Variants in SAMTOR observed in about 807,000 individuals in gnomAD.
SAMTOR encodes UPF0532 protein C7orf60.
the SAMTOR span, chr7:112,939,783 G>A: frequency 7.2e-6 from 11 of 1,538,118 alleles, no homozygotes; most frequent in Middle Eastern, 2.3e-4. Context: ...CCGCCCCTCA[G>A]GCCCCCGCAG....
At chr7:112,821,661 G>C in the SAMTOR span, 2 of 1,329,058 alleles carry the variant, frequency 1.5e-6, no homozygotes, top group East Asian at 4.7e-5. Context: ...CAGGTTTTCA[G>C]TACTGAGTTC....
chr7:112,822,931 A>G, the SAMTOR span, among the ~76,000 whole-genome samples: 1 of 152,178 alleles, frequency 6.6e-6, no homozygotes, highest in African/African-American at 2.4e-5. Flanking sequence ...GTTAATCCCT[A>G]GTTTGGAACA....
the SAMTOR span, among the ~76,000 whole-genome samples, chr7:112,883,183 C>T: frequency 6.6e-6 from 1 of 152,136 alleles, no homozygotes; most frequent in African/African-American, 2.4e-5. Context: ...TGTACTCTTT[C>T]CTTTGGCTGA....
At chr7:112,840,299 T>C in the SAMTOR span, among the ~76,000 whole-genome samples, 2 of 151,952 alleles carry the variant, frequency 1.3e-5, no homozygotes, top group Admixed American at 1.3e-4. Flanking sequence ...ACCCAGACCA[T>C]ACAAAACCTT....
At chr7:112,922,025 G>C in the SAMTOR span, among the ~76,000 whole-genome samples, 2 of 151,924 alleles carry the variant, frequency 1.3e-5, no homozygotes, top group African/African-American at 2.4e-5. Context: ...GGACTGTACT[G>C]CTGCCATCTC....
At chr7:112,901,338 T>C in the SAMTOR span, among the ~76,000 whole-genome samples, 1 of 152,184 alleles carries the variant, frequency 6.6e-6, no homozygotes, top group Non-Finnish European at 1.5e-5. Flanking sequence ...GAACCCTTAT[T>C]GTGAAATGTG....
At chr7:112,882,862 T>G in the SAMTOR span, among the ~76,000 whole-genome samples, 2 of 150,506 alleles carry the variant, frequency 1.3e-5, no homozygotes, top group Non-Finnish European at 3.0e-5. Context: ...TATTAAAAAG[T>G]CCAAGAAAAT....
At chr7:112,939,762 C>A in the SAMTOR span, 2 of 1,573,756 alleles carry the variant, frequency 1.3e-6, no homozygotes, top group Non-Finnish European at 8.6e-7. Context: ...TCGCAGCCGC[C>A]GCCGCCGCCG....
At chr7:112,853,224 A>AGAATTTACAGCC in the SAMTOR span, among the ~76,000 whole-genome samples, 149,503 of 152,178 alleles carry the variant, frequency 0.98, 73,485 homozygotes, top group East Asian at 1. Flanking sequence ...TTATAACTTA[A>AGAATTTACAGCC]CTTATAACTT....
At chr7:112,884,626 G>C in the SAMTOR span, among the ~76,000 whole-genome samples, 1 of 152,230 alleles carries the variant, frequency 6.6e-6, no homozygotes, top group Non-Finnish European at 1.5e-5. Context: ...TCATGCTGCT[G>C]CAAGAGGTAG....
At chr7:112,918,574 C>T in the SAMTOR span, among the ~76,000 whole-genome samples, 5 of 152,098 alleles carry the variant, frequency 3.3e-5, no homozygotes, top group Admixed American at 6.5e-5. Context: ...ATCATAATGA[C>T]GGGATCAAAT....
At chr7:112,914,620 G>A in the SAMTOR span, among the ~76,000 whole-genome samples, 1 of 151,978 alleles carries the variant, frequency 6.6e-6, no homozygotes, top group Non-Finnish European at 1.5e-5. Flanking sequence ...AAAATTTTAA[G>A]ATGTTTTAAG....
the SAMTOR span, among the ~76,000 whole-genome samples, chr7:112,914,276 G>GTT: frequency 0.029 from 3,767 of 130,930 alleles, 108 homozygotes; most frequent in African/African-American, 0.052. Context: ...TTAGCCTCTA[G>GTT]TTTTTTTTTT....
chr7:112,893,541 A>C, the SAMTOR span, among the ~76,000 whole-genome samples: 1 of 152,212 alleles, frequency 6.6e-6, no homozygotes, highest in African/African-American at 2.4e-5. Context: ...GGTTGGTTTC[A>C]TCTTGTATCC....
chr7:112,933,956 T>C, the SAMTOR span, among the ~76,000 whole-genome samples: 1 of 152,182 alleles, frequency 6.6e-6, no homozygotes, highest in Non-Finnish European at 1.5e-5. Context: ...TACTGATTTG[T>C]TTGATTTTGA....
chr7:112,922,513 G>A, the SAMTOR span, among the ~76,000 whole-genome samples: 1 of 151,696 alleles, frequency 6.6e-6, no homozygotes, highest in East Asian at 1.9e-4. Context: ...GAAGTGAGGA[G>A]CGCCTCTTCC....
chr7:112,878,659 G>A, the SAMTOR span, among the ~76,000 whole-genome samples: 4 of 152,182 alleles, frequency 2.6e-5, no homozygotes, highest in Non-Finnish European at 5.9e-5. Flanking sequence ...CACTAGGCAT[G>A]AGCTGGAATT....
At chr7:112,936,098 A>G in the SAMTOR span, among the ~76,000 whole-genome samples, 1 of 152,248 alleles carries the variant, frequency 6.6e-6, no homozygotes, top group Non-Finnish European at 1.5e-5. Flanking sequence ...AAAATTATGT[A>G]TGCAAAGACA....
At chr7:112,911,843 A>C in the SAMTOR span, among the ~76,000 whole-genome samples, 1 of 151,900 alleles carries the variant, frequency 6.6e-6, no homozygotes, top group African/African-American at 2.4e-5. Flanking sequence ...AGATATATAG[A>C]ATACTTGAAC....
Sources: gnomAD v4.1 joint callset for allele counts (sites outside exome capture counted in the v4.1 genomes callset) on GRCh38, gnomAD v4.1.1 for gene constraint, MANE v1.5 for transcripts, NCBI Gene and HGNC (gene_info 2026-07-23, HGNC 2026-07-21) for gene names.